Variants in KMT2B observed in about 807,000 individuals in gnomAD.
KMT2B encodes the protein histone-lysine N-methyltransferase 2B.
A neutral mutation model predicts 255.3 loss-of-function variants in KMT2B; 22 were observed. The ratio of observed to expected loss-of-function variants is 0.09; its 90% CI spans 0.06 to 0.12. KMT2B has a LOEUF of 0.12. Ranked by LOEUF, KMT2B falls within the 10% of genes least tolerant of loss-of-function variation. The pLI, the probability that KMT2B is intolerant of heterozygous loss-of-function variation, is 1.00. For missense variants in KMT2B, 3,149 were observed against 3,737.0 expected, an observed-to-expected ratio of 0.84 and a Z score of 4.10; for synonymous variants, 1,730 against 1,498.1, an observed-to-expected ratio of 1.15 and a Z score of -3.57.
chr19:35,737,659 A>G lies in KMT2B; in HGVS notation c.7574A>G (p.Asn2525Ser), dbSNP rs1337884328. The change falls in exon 34 of 37, where the codon AAC (asparagine) becomes AGC (serine). Residue 2525 changes from asparagine (N) to serine (S), a missense_variant. By Grantham distance (46) the Asn-to-Ser change is conservative. Coordinates refer to ENST00000420124, the MANE Select transcript of KMT2B (RefSeq NM_014727.3). The surrounding 1 kb of genome is among the most constrained non-coding windows in gnomAD (Gnocchi z 5.3). Reference sequence around the variant, plus strand: ...AGGAAGTGCACCTTTGACATGTTCAACTTCCTGGCCTCCCAGCACCGGGTG... The same window carrying G: ...AGGAAGTGCACCTTTGACATGTTCAGCTTCCTGGCCTCCCAGCACCGGGTG... ...YLRKCTFDMFNFLASQHRVLP... is the reference protein window; with the variant it reads ...YLRKCTFDMFSFLASQHRVLP... 1.3e-6 allele frequency: 2 copies of G among 1,566,182 alleles called. No homozygotes were observed. Among genetic ancestry groups the G allele is most frequent in the Non-Finnish European group, 1.7e-6 (2 of 1,154,888 alleles).
At position 35,730,121 on chromosome 19, in the gene KMT2B, G is replaced by C; in HGVS notation, c.5072G>C (p.Gly1691Ala). Residue 1691 changes from glycine (G) to alanine (A), a missense_variant, in exon 23 of 37, where the codon GGC becomes GCC. Physicochemically the swap from Gly to Ala is moderately conservative, Grantham distance 60. Around this residue, in one of 18 missense-constraint regions of KMT2B, gnomAD observed 58 missense variants for 96.9 expected, o/e 0.60. Coordinates refer to ENST00000420124, the MANE Select transcript of KMT2B (RefSeq NM_014727.3). Reference sequence around the variant, plus strand: ...CAGAAACACACTGATCTCCTGGATGGCAAGGTGGGCCAGAACTGTGGGGTA... The same window carrying C: ...CAGAAACACACTGATCTCCTGGATGCCAAGGTGGGCCAGAACTGTGGGGTA... ...FCQKHTDLLD[G>A]KEIVNPDGFD... 6.2e-7 allele frequency: 1 copy of C among 1,613,562 alleles called. No individual in the cohort carries two copies. Among genetic ancestry groups the C allele is most frequent in the Non-Finnish European group, 8.5e-7 (1 of 1,179,700 alleles).
In KMT2B at chr19:35,720,564, T is replaced by G; in HGVS notation, c.1217T>G (p.Leu406Arg). ...GAGGCAAAGCTGCCACCACCGCCTC[T>G]GACTCCTCCAGCCCCTTCACCTCCT... is the stretch of plus-strand genomic sequence containing the variant. ...KEEAKLPPPP[L>R]TPPAPSPPPP... The change falls in exon 3 of 37, where the codon CTG (leucine) becomes CGG (arginine). Residue 406 changes from leucine to arginine, a missense_variant. This residue lies in a region of KMT2B where 1,188 missense variants were observed against 1,106.4 expected (regional missense o/e 1.07). Coordinates refer to ENST00000420124, the MANE Select transcript of KMT2B (RefSeq NM_014727.3). The G allele has an allele frequency of 6.5e-7, 1 of 1,544,610 alleles. No homozygotes were observed. Among genetic ancestry groups the G allele is most frequent in the Non-Finnish European group, 8.7e-7 (1 of 1,143,826 alleles).
chr19:35,724,949 C>T (rs908812453), intron 9 of KMT2B, 40 bp from the exon 10 acceptor site: 31 of 1,437,600 alleles, frequency 2.2e-5, no homozygotes, highest in Non-Finnish European at 2.7e-5. Flanking sequence ...GCATCACGGC[C>T]AGGCTGGCAG....
Position 35,738,021 on chromosome 19 carries a change from TC to T in KMT2B, c.7743-36del. On this transcript the variant is annotated intron_variant, in intron 35 of 36. Coordinates refer to ENST00000420124, the MANE Select transcript of KMT2B (RefSeq NM_014727.3). This position sits in a 1 kb window ranked among gnomAD's most constrained non-coding sequence, Gnocchi z 8.7. ...GGTAGGGGGTACTGTCTGGTTTCTGTCCCCCTCCCCCCTGAGTTCCCTGTTC... is the reference window on the plus strand; with the variant it reads ...GGTAGGGGGTACTGTCTGGTTTCTGTCCCCTCCCCCCTGAGTTCCCTGTTC... The T allele has an allele frequency of 1.4e-5, 23 of 1,612,950 alleles. No individual in the cohort carries two copies. The highest frequency in any genetic ancestry group is 1.8e-5 in the Non-Finnish European group (21 of 1,179,502).
At chr19:35,730,167 T>A (rs748495506) in intron 23 of KMT2B, 42 bp downstream of exon 23, 2 of 1,610,974 alleles carry the variant, frequency 1.2e-6, no homozygotes, top group African/African-American at 1.3e-5. Context: ...TCCCCACCTC[T>A]CTTCCTGTTC....
Position 35,726,364 on chromosome 19 carries a change from G to T in KMT2B, c.4003+11G>T. ...AGCTATATGAGAAAGGTGGGGACCGGGCAGGGGAACTGGATGCTGGGGGCC... is the reference window on the plus strand; with the variant it reads ...AGCTATATGAGAAAGGTGGGGACCGTGCAGGGGAACTGGATGCTGGGGGCC... On this transcript the variant is annotated intron_variant, in intron 14 of 36. Coordinates refer to ENST00000420124, the MANE Select transcript of KMT2B (RefSeq NM_014727.3). The T allele has an allele frequency of 6.3e-7, 1 of 1,580,326 alleles. No homozygotes were observed. The highest frequency in any genetic ancestry group is 1.1e-5 in the South Asian group (1 of 90,472).
At position 35,727,950 on chromosome 19, in the gene KMT2B, C is replaced by T. The variant is rs773513850; in HGVS notation, c.4462C>T (p.Arg1488Trp). Residue 1488 changes from arginine to tryptophan, a missense_variant, in exon 18 of 37, where the codon CGG becomes TGG. Arg to Trp is a moderately radical substitution (Grantham distance 101, BLOSUM62 -3). Transcript: ENST00000420124. This position sits in a 1 kb window ranked among gnomAD's most constrained non-coding sequence, Gnocchi z 4.2. ...HSEEGETPDR[R>W]AGGQMKGLLL... ...GGAGGAGGGAGAGACCCCGGACCGC[C>T]GGGCTGGAGGCCAGATGAAGGGGCT... The T allele has an allele frequency of 2.5e-5, 40 of 1,585,604 alleles. No homozygotes were observed. Among genetic ancestry groups the T allele is most frequent in the East Asian group, 9.1e-5 (4 of 44,000 alleles).
chr19:35,734,812 G>A (rs1002416264), intron 30 of KMT2B, among the ~76,000 whole-genome samples: 1 of 152,158 alleles, frequency 6.6e-6, no homozygotes. Flanking sequence ...GGATTTTGTG[G>A]TGGCCCAATC....
chr19:35,734,518 G>A (rs1213870662), intron 30 of KMT2B, among the ~76,000 whole-genome samples: 3 of 152,214 alleles, frequency 2.0e-5, no homozygotes, highest in Admixed American at 6.5e-5. Context: ...CCAAGACAGC[G>A]GAGCCATGGA....
rs925159376 is a variant in KMT2B at position 35,718,167 on chromosome 19, G to A, written c.149G>A (p.Gly50Asp). The A allele has an allele frequency of 3.7e-6, 4 of 1,085,182 alleles. No individual in the cohort carries two copies. The African/African-American group carries it at 5.1e-5, about 14-fold the overall frequency. The allele number at this position is 1,085,182 out of a possible 1,614,324, so 67.2% of individuals were successfully genotyped here. A position where few individuals can be genotyped will look rare whatever the true frequency, so the allele number is the denominator to read the frequency against. ...AERVRVALRR[G>D]GGATGPGGAE... ...AGAGTGCGGGTAGCTCTGCGGCGCG[G>A]CGGTGGCGCGACGGGGCCGGGCGGA... Residue 50 changes from glycine (G) to aspartate (D), a missense_variant, in exon 1 of 37, where the codon GGC becomes GAC. Physicochemically the swap from Gly to Asp is moderately conservative, Grantham distance 94. Transcript: ENST00000420124. This position sits in a 1 kb window ranked among gnomAD's most constrained non-coding sequence, Gnocchi z 5.0.
At chr19:35,736,862 T>C in intron 31 of KMT2B, 35 bp downstream of exon 31, 1 of 1,611,846 alleles carries the variant, frequency 6.2e-7, no homozygotes, top group Non-Finnish European at 8.5e-7. Flanking sequence ...GGAGGGAGAG[T>C]GTCCATAAAA....
chr19:35,733,966 T>C lies in KMT2B; in HGVS notation c.7159+94T>C, dbSNP rs1258967987. ...AATCAGCCCTCTTTCAAAACCAGTA[T>C]CTACTCCCAGGGGCCAAGCCTGAGG... On this transcript the variant is annotated intron_variant, in intron 30 of 36. Transcript: ENST00000420124. This position sits in a 1 kb window ranked among gnomAD's most constrained non-coding sequence, Gnocchi z 4.3. The C allele has an allele frequency of 1.6e-5, 14 of 869,754 alleles. No individual in the cohort carries two copies. The highest frequency in any genetic ancestry group is 2.6e-5 in the Non-Finnish European group (14 of 544,472). 53.9% of individuals were successfully genotyped at this position (869,754 alleles called of 1,614,324 possible). A position where few individuals can be genotyped will look rare whatever the true frequency, so the allele number is the denominator to read the frequency against.
Position 35,730,585 on chromosome 19 carries a change from T to C in KMT2B, c.5245T>C (p.Cys1749Arg). 6.2e-7 allele frequency: 1 copy of C among 1,614,018 alleles called. No individual in the cohort carries two copies. Among genetic ancestry groups the C allele is most frequent in the Non-Finnish European group, 8.5e-7 (1 of 1,179,894 alleles). Residue 1749 changes from cysteine (C) to arginine (R), a missense_variant, in exon 25 of 37, where the codon TGC becomes CGC. By Grantham distance (180) the Cys-to-Arg change is radical. Coordinates refer to ENST00000420124, the MANE Select transcript of KMT2B (RefSeq NM_014727.3). ...GGGTACTCTGTCTGATCTCTCGGAC[T>C]GCGAGGGACGGCTCTTCCCCATTGG... ...SLGTLSDLSD[C>R]EGRLFPIGYQ... is the part of the protein sequence containing the mutation.
Position 35,722,658 on chromosome 19 carries a change from G to A in KMT2B, c.2662G>A (p.Glu888Lys). The change falls in exon 5 of 37, where the codon GAA becomes AAA. Residue 888 changes from glutamate (E) to lysine (K), a missense_variant. Coordinates refer to ENST00000420124, the MANE Select transcript of KMT2B (RefSeq NM_014727.3). ...GGGTCAGGCCCGGGCCATGGTGCCT[G>A]AAGATGTCCCTCGCCTCAGTGCCCT... is the stretch of plus-strand genomic sequence containing the variant. The part of the protein sequence containing the change: ...ALGQARAMVP[E>K]DVPRLSALPL... The A allele has an allele frequency of 6.2e-7, 1 of 1,612,966 alleles. No individual in the cohort carries two copies. The highest frequency in any genetic ancestry group is 8.5e-7 in the Non-Finnish European group (1 of 1,179,654).
chr19:35,725,399 G>GGCCC lies in KMT2B; in HGVS notation c.3642+67_3642+70dup. On this transcript the variant is annotated intron_variant, in intron 11 of 36. Coordinates refer to ENST00000420124, the MANE Select transcript of KMT2B (RefSeq NM_014727.3). The surrounding 1 kb of genome is among the most constrained non-coding windows in gnomAD (Gnocchi z 4.1). ...TCGGTCCTCACGGCCTGATTCCTTG[G>GGCCC]GCCCTCTCAGCTGGGTCTCATCCCT... 1 of 1,579,990 alleles carries GGCCC rather than the reference G, an allele frequency of 6.3e-7. No homozygotes were observed. The highest frequency in any genetic ancestry group is 8.6e-7 in the Non-Finnish European group (1 of 1,162,026).
Position 35,722,698 on chromosome 19 carries a change from G to T in KMT2B, c.2702G>T (p.Arg901Leu), listed in dbSNP as rs755335733. ...PRLSALPLRD[R>L]QDLATEDTSS... ...CTCAGTGCCCTCCCTCTCCGGGATC[G>T]GCAGGACCTCGCCACAGAGGGTAGG... Residue 901 changes from arginine to leucine, a missense_variant, in exon 5 of 37, where the codon CGG becomes CTG. This residue lies in a region of KMT2B where 132 missense variants were observed against 174.7 expected (regional missense o/e 0.76). Transcript: ENST00000420124. 74 of 1,605,656 alleles carry T rather than the reference G, an allele frequency of 4.6e-5. No homozygotes were observed. Among genetic ancestry groups the T allele is most frequent in the Admixed American group, 6.8e-5 (4 of 59,188 alleles).
Position 35,726,289 on chromosome 19 carries a change from C to T in KMT2B, c.3939C>T (p.Asn1313=). 1 of 1,613,934 alleles carries T rather than the reference C, an allele frequency of 6.2e-7. No individual in the cohort carries two copies. The highest frequency in any genetic ancestry group is 8.5e-7 in the Non-Finnish European group (1 of 1,179,892). ...CKSCGATPGK[N]WDVEWSGDYS... ...GCTGTGGGGCAACTCCAGGCAAGAACTGGGACGTCGAGTGGTCTGGAGATT... is the reference window on the plus strand; with the variant it reads ...GCTGTGGGGCAACTCCAGGCAAGAATTGGGACGTCGAGTGGTCTGGAGATT... The change falls in exon 14 of 37, where the codon AAC becomes AAT. Residue 1313 remains asparagine (N), a synonymous_variant. Transcript: ENST00000420124.
chr19:35,727,068 G>A lies in KMT2B; in HGVS notation c.4004-88G>A. On this transcript the variant is annotated intron_variant, in intron 14 of 36. Transcript: ENST00000420124. The surrounding 1 kb of genome is among the most constrained non-coding windows in gnomAD (Gnocchi z 4.2). Reference sequence around the variant, plus strand: ...CCAAAACAGGGGCATAGTGGAGGCAGCTAAGGTACTGCTAATCCTTGAACA... The same window carrying A: ...CCAAAACAGGGGCATAGTGGAGGCAACTAAGGTACTGCTAATCCTTGAACA... 1 of 874,306 alleles carries A rather than the reference G, an allele frequency of 1.1e-6. No homozygotes were observed. Among genetic ancestry groups the A allele is most frequent in the Non-Finnish European group, 1.8e-6 (1 of 549,512 alleles). The allele number at this position is 874,306 out of a possible 1,614,324, so 54.2% of individuals were successfully genotyped here. A position where few individuals can be genotyped will look rare whatever the true frequency, so the allele number is the denominator to read the frequency against.
In KMT2B at chr19:35,719,978, T is replaced by G; in HGVS notation, c.631T>G (p.Cys211Gly). ...QAPQAPRSRA[C>G]EPSTPRRSRG... ...ACCCCAAGCACCCCGGAGCCGGGCA[T>G]GTGAGCCCTCCACCCCCCGGCGGTC... The change falls in exon 3 of 37, where the codon TGT (cysteine) becomes GGT (glycine). Residue 211 changes from cysteine to glycine, a missense_variant. Physicochemically the swap from Cys to Gly is radical, Grantham distance 159 (BLOSUM62 -3). Around this residue, in one of 18 missense-constraint regions of KMT2B, gnomAD observed 1,188 missense variants for 1,106.4 expected, o/e 1.07. Transcript: ENST00000420124. The G allele has an allele frequency of 6.2e-7, 1 of 1,613,118 alleles. No individual in the cohort carries two copies. The highest frequency in any genetic ancestry group is 8.5e-7 in the Non-Finnish European group (1 of 1,179,770).
Sources: gnomAD v4.1 joint callset for allele counts (sites outside exome capture counted in the v4.1 genomes callset) on GRCh38, gnomAD v4.1.1 for gene constraint, gnomAD v4.1.1 regional missense constraint, Gnocchi (gnomAD v3.1) non-coding constraint, MANE v1.5 for transcripts, NCBI Gene and HGNC (gene_info 2026-07-23, HGNC 2026-07-21) for gene names.